The following ATXN10 variants were observed in gnomAD, a reference collection of about 807,000 sequenced individuals.
ATXN10 encodes the protein ataxin-10.
In ATXN10, 28 loss-of-function variants were observed where a neutral mutation model predicts 52.9. The ratio of observed to expected loss-of-function variants is 0.53; its 90% confidence interval spans 0.39 to 0.73. ATXN10 has a LOEUF of 0.73. Ranked by LOEUF, ATXN10 falls within the 30% of genes least tolerant of loss-of-function variation. ATXN10 has a pLI of 0.00. For synonymous variants in ATXN10, 226 were observed against 221.5 expected (o/e 1.02, Z -0.18); for missense variants, 565 against 577.0 (o/e 0.98, Z 0.21).
At chr22:45,741,506 G>A (rs1925532593) in intron 9 of ATXN10, among the ~76,000 whole-genome samples, 1 of 152,148 alleles carries the variant, frequency 6.6e-6, no homozygotes, top group South Asian at 2.1e-4. Flanking sequence ...ACAATGAGGA[G>A]AGAGGAAAGG....
At chr22:45,687,746 T>G (rs182194605) in intron 1 of ATXN10, among the ~76,000 whole-genome samples, 6 of 152,166 alleles carry the variant, frequency 3.9e-5, no homozygotes, top group African/African-American at 1.2e-4. Flanking sequence ...TATTTGGTAC[T>G]CCTTAAAGCT....
chr22:45,767,919 CTG>C (rs1402997733), intron 9 of ATXN10, among the ~76,000 whole-genome samples: 12 of 152,138 alleles, frequency 7.9e-5, no homozygotes. Flanking sequence ...TGTGTACACA[CTG>C]TTTTATATGT....
chr22:45,689,649 A>G, intron 1 of ATXN10, 63 bp from the exon 2 acceptor site: 1 of 1,500,836 alleles, frequency 6.7e-7, no homozygotes, highest in East Asian at 2.3e-5. Context: ...CAGTTTTCTG[A>G]ATAGGACATT....
At position 45,842,182 on chromosome 22, in the gene ATXN10, G is replaced by GT. The variant is rs1929365957; in HGVS notation, c.1238-804dup. Among the ~76,000 whole-genome samples, 1 of 152,156 alleles carries GT rather than the reference G, an allele frequency of 6.6e-6. No individual in the cohort carries two copies. Among genetic ancestry groups the GT allele is most frequent in the Admixed American group, 6.5e-5 (1 of 15,282 alleles). On this transcript the variant is annotated intron_variant, in intron 10 of 11. Coordinates refer to ENST00000252934, the MANE Select transcript of ATXN10 (RefSeq NM_013236.4). This position sits in a 1 kb window ranked among gnomAD's most constrained non-coding sequence, Gnocchi z 4.8. ...CCACTGAAGACTGGTCCCTGCAGTA[G>GT]TTTTTGTACAGTCCTTTATAGAACT...
chr22:45,788,020 A>T (rs1386609134), intron 9 of ATXN10, among the ~76,000 whole-genome samples: 2 of 152,216 alleles, frequency 1.3e-5, no homozygotes, highest in African/African-American at 2.4e-5. Context: ...TACAAGGAGC[A>T]CCAGGATTTC....
chr22:45,695,071 C>T (rs1461541026), intron 3 of ATXN10, among the ~76,000 whole-genome samples: 2 of 151,840 alleles, frequency 1.3e-5, no homozygotes, highest in Non-Finnish European at 2.9e-5. Context: ...TGGCTCACGC[C>T]TGTAATCCCA....
chr22:45,682,468 C>T (rs553041956), intron 1 of ATXN10, among the ~76,000 whole-genome samples: 165 of 151,954 alleles, frequency 1.1e-3, no homozygotes, highest in African/African-American at 3.7e-3. Flanking sequence ...CCACCACACC[C>T]GGCTATTTTT....
chr22:45,714,649 T>G (rs1360995878), intron 5 of ATXN10, among the ~76,000 whole-genome samples: 2 of 152,208 alleles, frequency 1.3e-5, no homozygotes, highest in Admixed American at 1.3e-4. Flanking sequence ...CCCAAAGTGC[T>G]GGGAATACAG....
At position 45,824,118 on chromosome 22, in the gene ATXN10, G is replaced by T. The variant is rs567691926; in HGVS notation, c.1237+17096G>T. On this transcript the variant is annotated intron_variant, in intron 10 of 11. Transcript: ENST00000252934. This position sits in a 1 kb window ranked among gnomAD's most constrained non-coding sequence, Gnocchi z 5.2. ...TCCTACCTTCCTTTGCCTTCCCCACGCTCTTACCTGCTGAGTGTAGTCAGC... is the reference window on the plus strand; with the variant it reads ...TCCTACCTTCCTTTGCCTTCCCCACTCTCTTACCTGCTGAGTGTAGTCAGC... Among the ~76,000 whole-genome samples the T allele has an allele frequency of 9.2e-5, 14 of 152,096 alleles. No homozygotes were observed. Among genetic ancestry groups the T allele is most frequent in the African/African-American group, 3.1e-4 (13 of 41,506 alleles).
intron 9 of ATXN10, among the ~76,000 whole-genome samples, chr22:45,743,354 A>C (rs745774139): frequency 1.3e-5 from 2 of 152,112 alleles, no homozygotes; most frequent in Non-Finnish European, 2.9e-5. Context: ...CTTGTTCTGG[A>C]TGTGCTAGAG....
intron 10 of ATXN10, chr22:45,811,775 C>T (rs1289872692): frequency 6.4e-6 from 3 of 471,016 alleles, no homozygotes; most frequent in African/African-American, 4.0e-5. Context: ...CTTTCAGTTT[C>T]TGCTCCTGCT....
Position 45,702,695 on chromosome 22 carries a change from C to T in ATXN10, c.495C>T (p.Cys165=). The change falls in exon 5 of 12, where the codon TGC becomes TGT. Residue 165 remains cysteine (C), a synonymous_variant. Coordinates refer to ENST00000252934, the MANE Select transcript of ATXN10 (RefSeq NM_013236.4). Reference sequence around the variant, plus strand: ...TCATTTCCTTGTTTGGAAGGTCTTGCTTAAATCATCCGGACAAAAAAATTG... The same window carrying T: ...TCATTTCCTTGTTTGGAAGGTCTTGTTTAAATCATCCGGACAAAAAAATTG... The part of the protein sequence containing the change: ...VHAFPELFLS[C]LNHPDKKIVA... 1.2e-6 allele frequency: 2 copies of T among 1,613,874 alleles called. No homozygotes were observed. The highest frequency in any genetic ancestry group is 1.7e-6 in the Non-Finnish European group (2 of 1,179,878).
rs1201252910 is a variant in ATXN10, at chr22:45,701,884, T to C, written c.489-805T>C. Among the ~76,000 whole-genome samples the C allele has an allele frequency of 1.3e-5, 2 of 152,214 alleles. No individual in the cohort carries two copies. The highest frequency in any genetic ancestry group is 4.8e-5 in the African/African-American group (2 of 41,458). On this transcript the variant is annotated intron_variant, in intron 4 of 11. Coordinates refer to ENST00000252934, the MANE Select transcript of ATXN10 (RefSeq NM_013236.4). This position sits in a 1 kb window ranked among gnomAD's most constrained non-coding sequence, Gnocchi z 4.2. ...GTTTACATGTTGCTTTTAGATGATC[T>C]CATTTGATCGTCATTAAAAACCCTG... is the stretch of plus-strand genomic sequence containing the variant.
intron 5 of ATXN10, among the ~76,000 whole-genome samples, chr22:45,710,292 T>C (rs936422154): frequency 6.6e-6 from 1 of 152,226 alleles, no homozygotes; most frequent in Non-Finnish European, 1.5e-5. Context: ...AAGTTTGTTC[T>C]GTCCTGAATC....
chr22:45,825,578 T>G lies in ATXN10; in HGVS notation c.1238-17413T>G, dbSNP rs138059741. 1.6e-3 allele frequency among the ~76,000 whole-genome samples: 251 copies of G among 152,214 alleles called. 1 individual carries two copies. The highest frequency in any genetic ancestry group is 5.8e-3 in the African/African-American group (242 of 41,528). On this transcript the variant is annotated intron_variant, in intron 10 of 11. Transcript: ENST00000252934. This position sits in a 1 kb window ranked among gnomAD's most constrained non-coding sequence, Gnocchi z 4.5. The stretch of plus-strand genomic sequence containing the variant: ...AAACACTTTGTCTTAGAATCTGAAT[T>G]CTAGAGTTACCACATTATTAGAGTC...
At chr22:45,709,928 C>T (rs1432095955) in intron 5 of ATXN10, among the ~76,000 whole-genome samples, 2 of 152,224 alleles carry the variant, frequency 1.3e-5, no homozygotes, top group Admixed American at 1.3e-4. Context: ...CTCTCACCCA[C>T]TTATACTCAT....
chr22:45,749,510 A>T (rs1925864747), intron 9 of ATXN10, among the ~76,000 whole-genome samples: 1 of 152,166 alleles, frequency 6.6e-6, no homozygotes, highest in Non-Finnish European at 1.5e-5. Flanking sequence ...TTTTTTCATT[A>T]TCATCTAATG....
In ATXN10 at chr22:45,837,363, G is replaced by A. The variant is rs763638037; in HGVS notation, c.1238-5628G>A. On this transcript the variant is annotated intron_variant, in intron 10 of 11. Coordinates refer to ENST00000252934, the MANE Select transcript of ATXN10 (RefSeq NM_013236.4). The surrounding 1 kb of genome is among the most constrained non-coding windows in gnomAD (Gnocchi z 5.8). ...CAGCCTCTGCCTCCCGGGTTTAAGC[G>A]ATTTCTCCTGCCTCAGCCTCCCGAG... Among the ~76,000 whole-genome samples the A allele has an allele frequency of 5.3e-5, 8 of 152,060 alleles. No individual in the cohort carries two copies. The highest frequency in any genetic ancestry group is 1.0e-4 in the Non-Finnish European group (7 of 68,026).
chr22:45,704,256 G>A (rs1479583731), intron 5 of ATXN10, among the ~76,000 whole-genome samples: 1 of 145,506 alleles, frequency 6.9e-6, no homozygotes, highest in Non-Finnish European at 1.5e-5. Flanking sequence ...CAGTTTTGTT[G>A]TCCTGGGTCC....
Sources: gnomAD v4.1 joint callset for allele counts (sites outside exome capture counted in the v4.1 genomes callset) on GRCh38, gnomAD v4.1.1 for gene constraint, Gnocchi (gnomAD v3.1) non-coding constraint, MANE v1.5 for transcripts, NCBI Gene and HGNC (gene_info 2026-07-23, HGNC 2026-07-21) for gene names.